MAST2: variants seen among roughly 807,000 people sequenced by gnomAD.
MAST2 encodes the protein microtubule associated serine/threonine kinase 2.
MAST2 carries 70 observed loss-of-function variants against 147.4 expected under a neutral mutation model. That is an observed-to-expected ratio of 0.47 (90% CI 0.39 to 0.58). MAST2 has a LOEUF of 0.58. MAST2 is among the 20% of genes least tolerant of loss of function. The pLI is 0.00. For synonymous variants in MAST2, 869 were observed against 896.8 expected, an observed-to-expected ratio of 0.97 and a Z score of 0.55; for missense variants, 2,080 against 2,302.3, an observed-to-expected ratio of 0.90 and a Z score of 1.98.
chr1:45,866,746 A>C (rs1053170564), intron 3 of MAST2, among the ~76,000 whole-genome samples: 1 of 116,506 alleles, frequency 8.6e-6, no homozygotes, highest in Non-Finnish European at 1.8e-5. Context: ...TATTTTGTCT[A>C]CTTTTTTTTT....
intron 1 of MAST2, among the ~76,000 whole-genome samples, chr1:45,811,545 TAGTC>T (rs1433081930): frequency 6.6e-6 from 1 of 150,376 alleles, no homozygotes; most frequent in Non-Finnish European, 1.5e-5. Flanking sequence ...TTCACTATGT[TAGTC>T]AGGATGGTCT....
Position 46,023,662 on chromosome 1 carries a change from C to A in MAST2, c.1572-110C>A. On this transcript the variant is annotated intron_variant, in intron 14 of 28. Coordinates refer to ENST00000361297, the MANE Select transcript of MAST2 (RefSeq NM_015112.3). The surrounding 1 kb of genome is among the most constrained non-coding windows in gnomAD (Gnocchi z 4.9). ...TTCTCACTGATATGCATGCCCTTGC[C>A]CCCTTGTTCTGTGCATTAATTAAGG... 2.1e-6 allele frequency: 2 copies of A among 966,540 alleles called. No homozygotes were observed. The highest frequency in any genetic ancestry group is 3.1e-6 in the Non-Finnish European group (2 of 638,154). 59.9% of individuals were successfully genotyped at this position (966,540 alleles called of 1,614,324 possible).
intron 5 of MAST2, among the ~76,000 whole-genome samples, chr1:45,992,415 T>G (rs892829708): frequency 4.9e-4 from 74 of 152,340 alleles, no homozygotes; most frequent in African/African-American, 1.7e-3. Context: ...TATAACTTTT[T>G]TATACATTGT....
intron 4 of MAST2, among the ~76,000 whole-genome samples, chr1:45,931,637 C>G (rs1360390417): frequency 6.6e-6 from 1 of 151,826 alleles, no homozygotes; most frequent in African/African-American, 2.4e-5. Flanking sequence ...CTACAGGCGC[C>G]CGCCACCACA....
chr1:45,828,394 A>G (rs1644854968), intron 2 of MAST2, among the ~76,000 whole-genome samples: 1 of 152,218 alleles, frequency 6.6e-6, no homozygotes, highest in African/African-American at 2.4e-5. Flanking sequence ...AAGTTGAGTG[A>G]GTGAATAAGT....
chr1:45,833,387 G>GTTCTTC (rs61415077), intron 3 of MAST2, among the ~76,000 whole-genome samples: 17 of 151,414 alleles, frequency 1.1e-4, no homozygotes, highest in East Asian at 1.9e-4. Context: ...TTCAAGATTA[G>GTTCTTC]TTCTTCTTCT....
chr1:45,886,126 T>G (rs1218909674), intron 4 of MAST2, among the ~76,000 whole-genome samples: 1 of 151,444 alleles, frequency 6.6e-6, no homozygotes, highest in African/African-American at 2.4e-5. Context: ...ATCAAAAAAT[T>G]TTGTATTGTC....
chr1:46,021,244 G>C (rs1043933232), intron 11 of MAST2, among the ~76,000 whole-genome samples: 3 of 152,246 alleles, frequency 2.0e-5, no homozygotes, highest in Non-Finnish European at 2.9e-5. Context: ...AGGCTATGCT[G>C]TGATAGAGCA....
In MAST2 at chr1:45,936,770, T is replaced by C. The variant is rs150419924; in HGVS notation, c.501-22616T>C. On this transcript the variant is annotated intron_variant, in intron 4 of 28. Coordinates refer to ENST00000361297, the MANE Select transcript of MAST2 (RefSeq NM_015112.3). ...CCCCAACCCAGCCACATGGCCACCA[T>C]CATCATCATCATCTTGTGGCCTCTA... 9.2e-4 allele frequency among the ~76,000 whole-genome samples: 140 copies of C among 152,088 alleles called. 1 individual carries two copies. The highest frequency in any genetic ancestry group is 3.2e-3 in the African/African-American group (131 of 41,496).
At chr1:45,921,590 G>A (rs569341720) in intron 4 of MAST2, among the ~76,000 whole-genome samples, 2 of 152,320 alleles carry the variant, frequency 1.3e-5, no homozygotes, top group Admixed American at 1.3e-4. Flanking sequence ...TCCAAGGGCT[G>A]GCATGGGTGC....
intron 3 of MAST2, among the ~76,000 whole-genome samples, chr1:45,855,664 C>A (rs1645764710): frequency 6.6e-6 from 1 of 151,792 alleles, no homozygotes. Context: ...TTTGTTGCTA[C>A]TAGTATATAG....
chr1:45,844,041 A>G (rs1261034398), intron 3 of MAST2, among the ~76,000 whole-genome samples: 1 of 152,190 alleles, frequency 6.6e-6, no homozygotes, highest in Non-Finnish European at 1.5e-5. Flanking sequence ...AAAAATAGTG[A>G]CGTCAAATTT....
chr1:45,937,192 T>C (rs535597278), intron 4 of MAST2, among the ~76,000 whole-genome samples: 1 of 152,142 alleles, frequency 6.6e-6, no homozygotes, highest in Non-Finnish European at 1.5e-5. Context: ...CACTTCAGCC[T>C]CCTGAGTAGC....
intron 4 of MAST2, among the ~76,000 whole-genome samples, chr1:45,951,353 C>T (rs940816058): frequency 8.6e-5 from 13 of 151,856 alleles, no homozygotes; most frequent in Middle Eastern, 3.2e-3. Flanking sequence ...GAGGACAAGA[C>T]GGGCGGATCA....
chr1:45,893,497 T>C (rs1648201717), intron 4 of MAST2, among the ~76,000 whole-genome samples: 1 of 151,686 alleles, frequency 6.6e-6, no homozygotes, highest in Non-Finnish European at 1.5e-5. Context: ...TGCCTCAGCC[T>C]CCCAAAACGT....
At chr1:46,007,884 G>A (rs563145362) in intron 8 of MAST2, among the ~76,000 whole-genome samples, 3 of 152,284 alleles carry the variant, frequency 2.0e-5, no homozygotes, top group East Asian at 1.9e-4. Flanking sequence ...CGTGTGCACC[G>A]TCTTCCTTTG....
intron 3 of MAST2, chr1:45,847,291 G>A: frequency 3.9e-6 from 2 of 507,000 alleles, no homozygotes; most frequent in Admixed American, 2.2e-5. Flanking sequence ...GAACAGTGCT[G>A]CCTGTCCTGC....
chr1:45,850,814 C>G (rs1645600649), intron 3 of MAST2, among the ~76,000 whole-genome samples: 1 of 139,268 alleles, frequency 7.2e-6, no homozygotes, highest in Non-Finnish European at 1.5e-5. Flanking sequence ...GTCTATGTGT[C>G]TGCTTTTGTA....
At chr1:45,952,402 T>C (rs1659059147) in intron 4 of MAST2, among the ~76,000 whole-genome samples, 2 of 152,202 alleles carry the variant, frequency 1.3e-5, no homozygotes, top group African/African-American at 4.8e-5. Flanking sequence ...TGACTGCTAA[T>C]GGGTACAAGG....
Sources: gnomAD v4.1 joint callset for allele counts (sites outside exome capture counted in the v4.1 genomes callset) on GRCh38, gnomAD v4.1.1 for gene constraint, Gnocchi (gnomAD v3.1) non-coding constraint, MANE v1.5 for transcripts, NCBI Gene and HGNC (gene_info 2026-07-23, HGNC 2026-07-21) for gene names.